Variants in RBFOX1 observed in about 807,000 individuals in gnomAD.
RBFOX1 encodes the protein RNA binding fox-1 homolog 1.
A neutral mutation model predicts 57.7 loss-of-function variants in RBFOX1; 8 were observed. The observed-to-expected ratio is 0.14, with a 90% CI of 0.08 to 0.25. The LOEUF (loss-of-function observed/expected upper bound fraction) is 0.25, where lower values mean the gene tolerates loss of function less well. RBFOX1 is among the 10% of genes least tolerant of loss of function. RBFOX1 has a pLI of 1.00. For missense variants in RBFOX1, 611 were observed against 548.5 expected (o/e 1.11, Z -1.14); for synonymous variants, 326 against 222.4 (o/e 1.47, Z -4.15).
chr16:7,279,520 C>G lies in RBFOX1; in HGVS notation c.27+227422C>G, dbSNP rs150819606. 1.2e-4 allele frequency among the ~76,000 whole-genome samples: 18 copies of G among 152,290 alleles called. No individual in the cohort carries two copies. In the East Asian group the frequency reaches 3.3e-3, roughly 28 times the overall value. ...AGTGGCCACGGAAACCAGCCCTGTC[C>G]TATTGGTGCTTGCTGGCTTTGGGGT... On this transcript the variant is annotated intron_variant, in intron 4 of 15. Coordinates refer to ENST00000550418, the MANE Select transcript of RBFOX1 (RefSeq NM_018723.4).
rs567394592 is a variant in RBFOX1, at chr16:5,388,773, C to T, written c.220-78443C>T. 2.6e-5 allele frequency among the ~76,000 whole-genome samples: 4 copies of T among 152,040 alleles called. No homozygotes were observed. The East Asian group carries it at 7.9e-4, about 30-fold the overall frequency. ...TGTAATTTTAATAGAGACAGGGTTTCACCATATTGGTCAGGCTGGTCTCGA... is the reference window on the plus strand; with the variant it reads ...TGTAATTTTAATAGAGACAGGGTTTTACCATATTGGTCAGGCTGGTCTCGA... On this transcript the variant is annotated intron_variant, in intron 1 of 2. Transcript: ENST00000585867.
At chr16:5,905,934 C>G (rs1199034204) in intron 4 of RBFOX1, among the ~76,000 whole-genome samples, 1 of 152,192 alleles carries the variant, frequency 6.6e-6, no homozygotes, top group Non-Finnish European at 1.5e-5. Flanking sequence ...AGGTTTTCAG[C>G]TCTCTTGTAG....
intron 4 of RBFOX1, among the ~76,000 whole-genome samples, chr16:5,951,902 A>C (rs139159149): frequency 2.0e-4 from 30 of 151,886 alleles, no homozygotes; most frequent in African/African-American, 7.2e-4. Flanking sequence ...ATATATATAC[A>C]TACTCTCAAG....
intron 4 of RBFOX1, among the ~76,000 whole-genome samples, chr16:7,265,258 G>A (rs2095083207): frequency 6.6e-6 from 1 of 151,970 alleles, no homozygotes; most frequent in Non-Finnish European, 1.5e-5. Flanking sequence ...TGAGATCAGG[G>A]TAGTAGGATG....
rs1000321857 is a variant in RBFOX1, at chr16:7,456,661, C to A, written c.28-61486C>A. ...CGTGCATTTTGCCTCCCTTTCTTGCCTCAGCATCACCCAACGGTCTTCCTG... is the reference window on the plus strand; with the variant it reads ...CGTGCATTTTGCCTCCCTTTCTTGCATCAGCATCACCCAACGGTCTTCCTG... On this transcript the variant is annotated intron_variant, in intron 4 of 15. Coordinates refer to ENST00000550418, the MANE Select transcript of RBFOX1 (RefSeq NM_018723.4). Among the ~76,000 whole-genome samples, 3 of 152,150 alleles carry A rather than the reference C, an allele frequency of 2.0e-5. No individual in the cohort carries two copies. In the South Asian group the frequency reaches 6.2e-4, roughly 31 times the overall value.
chr16:5,398,404 T>C (rs1288867969), intron 1 of RBFOX1, among the ~76,000 whole-genome samples: 1 of 152,030 alleles, frequency 6.6e-6, no homozygotes, highest in Non-Finnish European at 1.5e-5. Flanking sequence ...AGGGTGCATG[T>C]GTGTGATTGT....
At chr16:7,222,312 C>G (rs930269108) in intron 4 of RBFOX1, among the ~76,000 whole-genome samples, 5 of 152,134 alleles carry the variant, frequency 3.3e-5, no homozygotes, top group African/African-American at 1.2e-4. Flanking sequence ...GCAAGCAGAC[C>G]TAATGTGCAA....
intron 1 of RBFOX1, among the ~76,000 whole-genome samples, chr16:6,081,110 G>C (rs1454414138): frequency 6.6e-6 from 1 of 152,146 alleles, no homozygotes; most frequent in African/African-American, 2.4e-5. Flanking sequence ...TTTGCCCTGG[G>C]TATTTAAAAA....
intron 2 of RBFOX1, among the ~76,000 whole-genome samples, chr16:6,437,398 C>A (rs2094265554): frequency 6.6e-6 from 1 of 152,132 alleles, no homozygotes; most frequent in Admixed American, 6.5e-5. Flanking sequence ...CAATTTGGAT[C>A]TTTTATTTTC....
At chr16:5,814,276 C>T (rs1218024574) in intron 3 of RBFOX1, among the ~76,000 whole-genome samples, 1 of 152,052 alleles carries the variant, frequency 6.6e-6, no homozygotes, top group African/African-American at 2.4e-5. Context: ...CATGCTATGT[C>T]CTAATGAAGA....
At chr16:5,522,684 C>T (rs1415077668) in intron 2 of RBFOX1, among the ~76,000 whole-genome samples, 2 of 152,204 alleles carry the variant, frequency 1.3e-5, no homozygotes, top group African/African-American at 2.4e-5. Context: ...TCTCTCCACT[C>T]CCCCTCACCC....
At chr16:6,940,982 C>T (rs954282578) in intron 3 of RBFOX1, among the ~76,000 whole-genome samples, 21 of 151,936 alleles carry the variant, frequency 1.4e-4, no homozygotes, top group Non-Finnish European at 2.6e-4. Flanking sequence ...GCTGGGATTA[C>T]AGGCATGAGC....
intron 4 of RBFOX1, among the ~76,000 whole-genome samples, chr16:7,274,512 A>T (rs2153139380): frequency 6.6e-6 from 1 of 152,226 alleles, no homozygotes; most frequent in African/African-American, 2.4e-5. Flanking sequence ...TGAATGCCTG[A>T]GAGTTTGGGA....
chr16:6,640,529 A>T (rs2098478652), intron 2 of RBFOX1, among the ~76,000 whole-genome samples: 1 of 152,002 alleles, frequency 6.6e-6, no homozygotes, highest in South Asian at 2.1e-4. Context: ...AATAGCGTGA[A>T]CCCGGGAAGC....
intron 4 of RBFOX1, among the ~76,000 whole-genome samples, chr16:7,162,210 A>G (rs903733607): frequency 6.6e-6 from 1 of 152,196 alleles, no homozygotes; most frequent in African/African-American, 2.4e-5. Flanking sequence ...TAAAGTGACA[A>G]GTTAAAATAT....
At chr16:5,823,873 A>T (rs953899942) in intron 3 of RBFOX1, among the ~76,000 whole-genome samples, 3 of 152,208 alleles carry the variant, frequency 2.0e-5, no homozygotes, top group African/African-American at 7.2e-5. Flanking sequence ...TATATATTAC[A>T]AAGTAATAAT....
At chr16:6,157,209 G>A (rs781773369) in intron 1 of RBFOX1, among the ~76,000 whole-genome samples, 44 of 151,906 alleles carry the variant, frequency 2.9e-4, no homozygotes, top group Admixed American at 7.9e-4. Context: ...TCCCTTTAAA[G>A]TGTACAAATA....
intron 3 of RBFOX1, among the ~76,000 whole-genome samples, chr16:6,715,954 G>C (rs1392310644): frequency 6.6e-6 from 1 of 152,128 alleles, no homozygotes; most frequent in African/African-American, 2.4e-5. Context: ...TTAAGTCAAG[G>C]ATACGACGCA....
intron 3 of RBFOX1, among the ~76,000 whole-genome samples, chr16:6,899,017 C>G (rs934516342): frequency 1.2e-4 from 5 of 43,386 alleles, no homozygotes; most frequent in Admixed American, 4.9e-4. Context: ...GCATGCGCGT[C>G]TCTGTGTGTG....
Sources: allele counts gnomAD v4.1 joint callset (sites outside exome capture counted in the v4.1 genomes callset), GRCh38; gene constraint gnomAD v4.1.1; transcripts MANE v1.5; gene names NCBI Gene and HGNC (gene_info 2026-07-23, HGNC 2026-07-21).